THADA: variants seen among roughly 807,000 people sequenced by gnomAD.
THADA encodes tRNA (32-2'-O)-methyltransferase regulator THADA.
A neutral mutation model predicts 219.8 loss-of-function variants in THADA; 213 were observed. The ratio of observed to expected loss-of-function variants is 0.97; its 90% confidence interval spans 0.87 to 1.09. THADA has a LOEUF of 1.09. Among genes scored for constraint, THADA ranks in the 50% least tolerant of loss-of-function variants. The pLI is 0.00. For synonymous variants in THADA, 1,018 were observed against 828.9 expected, an observed-to-expected ratio of 1.23 and a Z score of -3.92; for missense variants, 2,956 against 2,311.3, an observed-to-expected ratio of 1.28 and a Z score of -5.72.
chr2:43,366,108 G>A (rs866824306), intron 29 of THADA, among the ~76,000 whole-genome samples: 1 of 152,180 alleles, frequency 6.6e-6, no homozygotes, highest in Non-Finnish European at 1.5e-5. Flanking sequence ...CCATTTCACT[G>A]TTCACTGCAG....
intron 30 of THADA, among the ~76,000 whole-genome samples, chr2:43,338,354 A>C (rs1173348396): frequency 6.6e-6 from 1 of 151,930 alleles, no homozygotes; most frequent in African/African-American, 2.4e-5. Context: ...GATGGGTTTC[A>C]CCATGTTGGC....
At chr2:43,337,870 GT>G (rs1393761280) in intron 30 of THADA, among the ~76,000 whole-genome samples, 2 of 151,450 alleles carry the variant, frequency 1.3e-5, no homozygotes, top group African/African-American at 2.4e-5. Flanking sequence ...TGTTTTCAAA[GT>G]TTTTTTTTCT....
intron 30 of THADA, chr2:43,343,607 A>G (rs1017482850): frequency 2.0e-5 from 3 of 152,544 alleles, no homozygotes; most frequent in African/African-American, 7.2e-5. Context: ...TAAACTAACA[A>G]TGGCAAGGAT....
intron 28 of THADA, among the ~76,000 whole-genome samples, chr2:43,409,147 G>A (rs1675962162): frequency 6.6e-6 from 1 of 152,116 alleles, no homozygotes; most frequent in Non-Finnish European, 1.5e-5. Context: ...AACAATGATT[G>A]GTGCTACTGC....
In THADA at chr2:43,574,406, T is replaced by C. The variant is rs767821044; in HGVS notation, c.1659A>G (p.Leu553=). 2.7e-5 allele frequency: 44 copies of C among 1,609,950 alleles called. No individual in the cohort carries two copies. The South Asian group carries it at 3.0e-4, about 11-fold the overall frequency. Residue 553 remains leucine (L), a synonymous_variant, in exon 11 of 38, where the codon TTA becomes TTG. Transcript: ENST00000405975. ...GTAAGCTTTCAGGGCTGTAACTTAA[T>C]AATTTTGGCAAGTAATAATCAATCA... ...SYVIDYYLPK[L]LSYSPESLQY...
At chr2:43,575,538 T>G (rs530933902) in intron 10 of THADA, among the ~76,000 whole-genome samples, 1 of 151,934 alleles carries the variant, frequency 6.6e-6, no homozygotes, top group Non-Finnish European at 1.5e-5. Context: ...ACACAAGTTA[T>G]TTATTTATTT....
At chr2:43,578,423 A>C in intron 9 of THADA, 90 bp downstream of exon 9, 5 of 903,454 alleles carry the variant, frequency 5.5e-6, no homozygotes, top group Non-Finnish European at 8.4e-6. Context: ...TTGGGATTAT[A>C]AGTGTGAGCC....
intron 25 of THADA, among the ~76,000 whole-genome samples, chr2:43,497,965 T>A (rs867838528): frequency 1.3e-5 from 2 of 151,974 alleles, no homozygotes; most frequent in Non-Finnish European, 2.9e-5. Context: ...CTTATATCTA[T>A]GTAAAAAACC....
chr2:43,314,018 T>C (rs1225503267), intron 31 of THADA, among the ~76,000 whole-genome samples: 1 of 152,212 alleles, frequency 6.6e-6, no homozygotes, highest in Non-Finnish European at 1.5e-5. Context: ...GTGCTTGGCA[T>C]AGAGATAGAT....
At chr2:43,513,288 A>G (rs1446571380) in intron 22 of THADA, among the ~76,000 whole-genome samples, 1 of 152,216 alleles carries the variant, frequency 6.6e-6, no homozygotes, top group African/African-American at 2.4e-5. Context: ...ATCCCCCTAC[A>G]ATGCAAGTTA....
At chr2:43,585,804 ACACT>A (rs1342796385) in intron 7 of THADA, among the ~76,000 whole-genome samples, 1 of 152,100 alleles carries the variant, frequency 6.6e-6, no homozygotes, top group East Asian at 1.9e-4. Flanking sequence ...AAAAAGGAAC[ACACT>A]CAGGTGAGGA....
chr2:43,492,850 G>A (rs551767856), intron 25 of THADA, among the ~76,000 whole-genome samples: 3 of 152,298 alleles, frequency 2.0e-5, no homozygotes, highest in South Asian at 2.1e-4. Flanking sequence ...CTTCACCTAT[G>A]AGCAGACAAA....
chr2:43,318,336 G>A (rs1678309882), intron 31 of THADA, among the ~76,000 whole-genome samples: 1 of 151,882 alleles, frequency 6.6e-6, no homozygotes, highest in East Asian at 1.9e-4. Flanking sequence ...CACCACATCT[G>A]ACCTTAGTTG....
intron 31 of THADA, among the ~76,000 whole-genome samples, chr2:43,296,832 G>A (rs1197160258): frequency 6.6e-6 from 1 of 151,792 alleles, no homozygotes; most frequent in Non-Finnish European, 1.5e-5. Context: ...TCTTAAAATT[G>A]TAATTAACGG....
At chr2:43,255,991 T>C (rs1041984600) in intron 36 of THADA, among the ~76,000 whole-genome samples, 2 of 152,202 alleles carry the variant, frequency 1.3e-5, no homozygotes, top group East Asian at 1.9e-4. Context: ...AGGTGAACTA[T>C]TGAAAGAGCC....
intron 1 of THADA, among the ~76,000 whole-genome samples, chr2:43,594,656 C>T (rs1434520101): frequency 2.0e-5 from 3 of 152,028 alleles, no homozygotes; most frequent in African/African-American, 7.2e-5. Context: ...ATAATCTGAC[C>T]CTGCCTTCCT....
chr2:43,407,737 G>A (rs190547693), intron 28 of THADA, among the ~76,000 whole-genome samples: 7 of 152,276 alleles, frequency 4.6e-5, no homozygotes, highest in Admixed American at 2.6e-4. Context: ...CTGAGTGCCT[G>A]CTAGATGCCA....
chr2:43,509,751 T>C (rs536464741), intron 22 of THADA, among the ~76,000 whole-genome samples: 2 of 152,110 alleles, frequency 1.3e-5, no homozygotes, highest in Non-Finnish European at 1.5e-5. Flanking sequence ...TAGAACAAAA[T>C]ATATAAATAA....
At chr2:43,365,164 A>G (rs1275031946) in intron 29 of THADA, among the ~76,000 whole-genome samples, 4 of 151,936 alleles carry the variant, frequency 2.6e-5, no homozygotes, top group Non-Finnish European at 5.9e-5. Context: ...ACCTCAGGTG[A>G]TCCACCCGCC....
Sources: gnomAD v4.1 joint callset for allele counts (sites outside exome capture counted in the v4.1 genomes callset) on GRCh38, gnomAD v4.1.1 for gene constraint, MANE v1.5 for transcripts, NCBI Gene and HGNC (gene_info 2026-07-23, HGNC 2026-07-21) for gene names.